Variants in IKZF1 observed in about 807,000 individuals in gnomAD.
IKZF1 encodes the protein IKAROS family zinc finger 1.
Under a neutral mutation model 51.7 loss-of-function variants are expected in IKZF1, and 10 were observed. The observed-to-expected ratio is 0.19, with a 90% CI of 0.12 to 0.33. IKZF1 has a LOEUF of 0.33. IKZF1 is among the 10% of genes least tolerant of loss of function. The pLI is 1.00. For missense variants in IKZF1, 484 were observed against 707.5 expected, an observed-to-expected ratio of 0.68 and a Z score of 3.58; for synonymous variants, 280 against 282.3, an observed-to-expected ratio of 0.99 and a Z score of 0.08.
Position 50,376,404 on chromosome 7 carries a change from T to C in IKZF1, c.161-129T>C. 2.1e-6 allele frequency: 3 copies of C among 1,452,076 alleles called. No individual in the cohort carries two copies. The highest frequency in any genetic ancestry group is 2.8e-6 in the Non-Finnish European group (3 of 1,082,614). 89.9% of individuals were successfully genotyped at this position (1,452,076 alleles called of 1,614,324 possible). A position where few individuals can be genotyped will look rare whatever the true frequency, so the allele number is the denominator to read the frequency against. On this transcript the variant is annotated intron_variant, in intron 3 of 7. Transcript: ENST00000331340. This position sits in a 1 kb window ranked among gnomAD's most constrained non-coding sequence, Gnocchi z 4.5. Reference sequence around the variant, plus strand: ...CGGCGAGCTCAGGCTGCTCTCCCCTTGGTATTTGCTAAGAACTTCTGTTTA... The same window carrying C: ...CGGCGAGCTCAGGCTGCTCTCCCCTCGGTATTTGCTAAGAACTTCTGTTTA...
At chr7:50,361,057 T>C (rs1805053898) in intron 3 of IKZF1, among the ~76,000 whole-genome samples, 1 of 152,182 alleles carries the variant, frequency 6.6e-6, no homozygotes, top group Non-Finnish European at 1.5e-5. Context: ...TTCACTTATA[T>C]TGAGGACCTC....
chr7:50,392,237 C>G (rs1331072367), intron 7 of IKZF1, among the ~76,000 whole-genome samples: 1 of 152,114 alleles, frequency 6.6e-6, no homozygotes. Flanking sequence ...AGCTTCAGAT[C>G]CTCATTTTTC....
chr7:50,324,866 C>T (rs1002237410), intron 2 of IKZF1, among the ~76,000 whole-genome samples: 5 of 152,118 alleles, frequency 3.3e-5, no homozygotes, highest in Non-Finnish European at 5.9e-5. Flanking sequence ...TTATGATCCT[C>T]ACTTGGTTCC....
At chr7:50,354,460 G>A (rs531608782) in intron 3 of IKZF1, among the ~76,000 whole-genome samples, 42 of 152,306 alleles carry the variant, frequency 2.8e-4, no homozygotes, top group South Asian at 1.2e-3. Flanking sequence ...GAGCTGGGGC[G>A]AGGGCTCTGG....
intron 2 of IKZF1, among the ~76,000 whole-genome samples, chr7:50,325,775 GAA>G (rs200392928): frequency 7.2e-6 from 1 of 138,608 alleles, no homozygotes; most frequent in Non-Finnish European, 1.6e-5. Context: ...ACTCTGTCTC[GAA>G]AAAAAAAAAA....
At position 50,404,202 on chromosome 7, in the gene IKZF1, G is replaced by A. The variant is rs745796503; in HGVS notation, c.*3575G>A. On this transcript the variant is annotated 3_prime_UTR_variant, in exon 8 of 8. Coordinates refer to ENST00000331340, the MANE Select transcript of IKZF1 (RefSeq NM_006060.6). ...GTTGTGTGTGGTGATTGTTCAGGTCGAATCTGTTGTATCCAGTACAGCTTT... is the reference window on the plus strand; with the variant it reads ...GTTGTGTGTGGTGATTGTTCAGGTCAAATCTGTTGTATCCAGTACAGCTTT... 2.8e-5 allele frequency: 6 copies of A among 215,036 alleles called. No individual in the cohort carries two copies. The highest frequency in any genetic ancestry group is 1.2e-4 in the Admixed American group (2 of 17,084). The allele number at this position is 215,036 out of a possible 1,614,324, so 13.3% of individuals were successfully genotyped here.
chr7:50,371,839 G>T (rs1465644666), intron 3 of IKZF1, among the ~76,000 whole-genome samples: 1 of 152,230 alleles, frequency 6.6e-6, no homozygotes, highest in East Asian at 1.9e-4. Context: ...TGGTACAGAA[G>T]ATTCCAGATT....
At chr7:50,358,880 A>C (rs1188541146) in intron 3 of IKZF1, among the ~76,000 whole-genome samples, 1 of 152,176 alleles carries the variant, frequency 6.6e-6, no homozygotes, top group Non-Finnish European at 1.5e-5. Flanking sequence ...GTTAGACATA[A>C]GTTTACATGA....
intron 4 of IKZF1, among the ~76,000 whole-genome samples, chr7:50,381,868 C>T (rs1767709462): frequency 6.6e-6 from 1 of 152,206 alleles, no homozygotes; most frequent in African/African-American, 2.4e-5. Context: ...AGTTTCTTAA[C>T]TTCTCATTTT....
intron 3 of IKZF1, chr7:50,369,728 T>C (rs914008683): frequency 2.0e-5 from 8 of 396,610 alleles, no homozygotes; most frequent in African/African-American, 1.6e-4. Flanking sequence ...TTCCAGTTTG[T>C]GTCCGTAGTT....
chr7:50,351,195 T>G (rs1265638956), intron 3 of IKZF1, among the ~76,000 whole-genome samples: 3 of 152,188 alleles, frequency 2.0e-5, no homozygotes. Flanking sequence ...AGTGGGGGTG[T>G]GGATTTAACC....
intron 1 of IKZF1, among the ~76,000 whole-genome samples, chr7:50,305,437 G>A (rs779503860): frequency 2.6e-5 from 4 of 152,138 alleles, no homozygotes; most frequent in Non-Finnish European, 5.9e-5. Flanking sequence ...GTAATATTAA[G>A]GCATCAGGTT....
chr7:50,364,637 G>A (rs1584798394), intron 3 of IKZF1, among the ~76,000 whole-genome samples: 1 of 152,340 alleles, frequency 6.6e-6, no homozygotes, highest in South Asian at 2.1e-4. Flanking sequence ...AAGCAAGTCA[G>A]CACCTACAAA....
chr7:50,311,798 G>T (rs906039272), intron 1 of IKZF1, among the ~76,000 whole-genome samples: 1 of 152,048 alleles, frequency 6.6e-6, no homozygotes, highest in Non-Finnish European at 1.5e-5. Context: ...GCAAGATAAA[G>T]CATTCTTTGT....
intron 3 of IKZF1, among the ~76,000 whole-genome samples, chr7:50,343,154 C>A (rs1294683824): frequency 8.2e-6 from 1 of 121,414 alleles, no homozygotes; most frequent in African/African-American, 3.3e-5. Flanking sequence ...TCCTTTCTTT[C>A]TTCCCTCCTT....
At chr7:50,381,993 G>GA (rs1170803101) in intron 4 of IKZF1, among the ~76,000 whole-genome samples, 6 of 152,154 alleles carry the variant, frequency 3.9e-5, no homozygotes, top group Admixed American at 1.3e-4. Context: ...AATTGAAAGG[G>GA]AAAATACAGG....
intron 1 of IKZF1, among the ~76,000 whole-genome samples, chr7:50,314,302 G>A (rs1335184966): frequency 1.3e-5 from 2 of 152,060 alleles, no homozygotes; most frequent in Non-Finnish European, 2.9e-5. Context: ...AGTGGAGACG[G>A]GGTTTCGCCG....
chr7:50,354,772 G>A (rs1802816122), intron 3 of IKZF1, among the ~76,000 whole-genome samples: 2 of 151,990 alleles, frequency 1.3e-5, no homozygotes, highest in South Asian at 4.1e-4. Flanking sequence ...TGGTCACCAG[G>A]CTGTCTCCCC....
intron 7 of IKZF1, among the ~76,000 whole-genome samples, chr7:50,393,446 C>G (rs1815778110): frequency 6.6e-6 from 1 of 152,110 alleles, no homozygotes; most frequent in African/African-American, 2.4e-5. Flanking sequence ...GGGGGAAGGA[C>G]AGAGGCAAGG....
Sources: gnomAD v4.1 joint callset for allele counts (sites outside exome capture counted in the v4.1 genomes callset) on GRCh38, gnomAD v4.1.1 for gene constraint, Gnocchi (gnomAD v3.1) non-coding constraint, MANE v1.5 for transcripts, NCBI Gene and HGNC (gene_info 2026-07-23, HGNC 2026-07-21) for gene names.